Variants in PRUNE2 observed in about 807,000 individuals in gnomAD.
PRUNE2 encodes protein prune homolog 2.
In PRUNE2, 164 loss-of-function variants were observed where a neutral mutation model predicts 252.0. The observed-to-expected ratio is 0.65, with a 90% CI of 0.57 to 0.74. The LOEUF (loss-of-function observed/expected upper bound fraction) is 0.74. Among genes scored for constraint, PRUNE2 ranks in the 30% least tolerant of loss-of-function variants. PRUNE2 has a pLI of 0.00. For synonymous variants in PRUNE2, 1,292 were observed against 1,350.2 expected, an observed-to-expected ratio of 0.96 and a Z score of 0.94; for missense variants, 3,495 against 3,711.0, an observed-to-expected ratio of 0.94 and a Z score of 1.51.
At chr9:76,858,679 G>T (rs1013262154) in intron 1 of PRUNE2, among the ~76,000 whole-genome samples, 2 of 150,528 alleles carry the variant, frequency 1.3e-5, no homozygotes, top group Non-Finnish European at 2.9e-5. Flanking sequence ...GATGGATGCA[G>T]CAAACCACCA....
intron 6 of PRUNE2, among the ~76,000 whole-genome samples, chr9:76,776,494 ATTTTCTTTTTTTTTTTCTT>A (rs1352546850): frequency 3.9e-5 from 5 of 129,588 alleles, no homozygotes; most frequent in African/African-American, 5.7e-5. Context: ...TTTACACCAC[ATTTTCTTTTTTTTTTTCTT>A]TTTTCTTTTT....
chr9:76,737,971 ACTT>A (rs1455747771), intron 6 of PRUNE2: 3 of 152,322 alleles, frequency 2.0e-5, no homozygotes, highest in East Asian at 1.9e-4. Context: ...AGAGCCTAAG[ACTT>A]CTTCTTTTAA....
intron 9 of PRUNE2, among the ~76,000 whole-genome samples, chr9:76,702,506 C>G (rs2045962631): frequency 6.6e-6 from 1 of 152,298 alleles, no homozygotes; most frequent in South Asian, 2.1e-4. Context: ...ACAGTTTCAG[C>G]AGAGACTGGA....
chr9:76,673,977 A>C (rs371467208), intron 9 of PRUNE2, among the ~76,000 whole-genome samples: 14 of 152,292 alleles, frequency 9.2e-5, no homozygotes, highest in East Asian at 3.9e-4. Context: ...TGGAAGCATT[A>C]CCTTTGAAAA....
At chr9:76,824,599 A>G (rs571380417) in intron 5 of PRUNE2, among the ~76,000 whole-genome samples, 14 of 152,344 alleles carry the variant, frequency 9.2e-5, no homozygotes, top group African/African-American at 2.6e-4. Flanking sequence ...AATGAAATCT[A>G]TCACAGTAAA....
At position 76,727,649 on chromosome 9, in the gene PRUNE2, T is replaced by C. The variant is rs868244739; in HGVS notation, c.757-13928A>G. ...TGTTTCTTTCTTCTTCTTCTTCTTT[T>C]TTTTTTTTTTTGTCAAGCAAAGTTG... On this transcript the variant is annotated intron_variant, in intron 6 of 18. Coordinates refer to ENST00000376718, the MANE Select transcript of PRUNE2 (RefSeq NM_015225.3). Among the ~76,000 whole-genome samples the C allele has an allele frequency of 5.3e-3, 798 of 150,324 alleles. 8 individuals carry two copies. Among genetic ancestry groups the C allele is most frequent in the African/African-American group, 0.019 (760 of 40,918 alleles).
intron 6 of PRUNE2, among the ~76,000 whole-genome samples, chr9:76,811,197 G>T (rs1371499695): frequency 6.6e-6 from 1 of 152,172 alleles, no homozygotes; most frequent in Non-Finnish European, 1.5e-5. Context: ...CTTTAAAAAT[G>T]TATTTACAGA....
chr9:76,726,650 T>C (rs1164875210), intron 6 of PRUNE2, among the ~76,000 whole-genome samples: 1 of 152,246 alleles, frequency 6.6e-6, no homozygotes, highest in African/African-American at 2.4e-5. Context: ...TTATGCTGAA[T>C]CAATTGAAAA....
chr9:76,768,903 C>T (rs115798470), intron 6 of PRUNE2, among the ~76,000 whole-genome samples: 3,501 of 152,188 alleles, frequency 0.023, 61 homozygotes, highest in Middle Eastern at 0.027. Flanking sequence ...AAACGCTGTA[C>T]TTTATAAAAA....
At chr9:76,686,319 A>G (rs986410520) in intron 9 of PRUNE2, among the ~76,000 whole-genome samples, 10 of 152,222 alleles carry the variant, frequency 6.6e-5, no homozygotes, top group Non-Finnish European at 1.5e-5. Flanking sequence ...AGTACTGGAA[A>G]ATAAACATAA....
At position 76,707,787 on chromosome 9, in the gene PRUNE2, A is replaced by G; in HGVS notation, c.4487T>C (p.Ile1496Thr). ...GCTGCTGACATGCACATCACTGTCT[A>G]TAGGGACGTCCCCAAAATCAAGACT... ...PRSLDFGDVP[I>T]DSDVHVSSTC... Residue 1496 changes from isoleucine to threonine, a missense_variant, in exon 8 of 19, where the codon ATA becomes ACA. Coordinates refer to ENST00000376718, the MANE Select transcript of PRUNE2 (RefSeq NM_015225.3). 1.9e-6 allele frequency: 3 copies of G among 1,613,442 alleles called. No homozygotes were observed. Among genetic ancestry groups the G allele is most frequent in the Non-Finnish European group, 2.5e-6 (3 of 1,179,622 alleles).
chr9:76,641,216 A>G (rs908779334), intron 12 of PRUNE2, among the ~76,000 whole-genome samples: 1 of 152,220 alleles, frequency 6.6e-6, no homozygotes, highest in African/African-American at 2.4e-5. Context: ...ATGAAAATGA[A>G]AATTTATAAA....
intron 9 of PRUNE2, among the ~76,000 whole-genome samples, chr9:76,694,199 G>C (rs964784093): frequency 3.3e-5 from 5 of 151,814 alleles, no homozygotes; most frequent in Admixed American, 1.3e-4. Context: ...TTGAGACGGA[G>C]CCTAGCTCTG....
rs189483647 is a variant in PRUNE2, at chr9:76,635,042, G to A, written c.9050+1429C>T. ...GGCTGGAGTGCAGTGGTGTGATCTT[G>A]CCTCACTGCAACCTCCTCCCAGGTT... On this transcript the variant is annotated intron_variant, in intron 15 of 18. Coordinates refer to ENST00000376718, the MANE Select transcript of PRUNE2 (RefSeq NM_015225.3). 5.9e-5 allele frequency among the ~76,000 whole-genome samples: 9 copies of A among 152,164 alleles called. No homozygotes were observed. In the East Asian group the frequency reaches 7.7e-4, roughly 13 times the overall value.
intron 6 of PRUNE2, among the ~76,000 whole-genome samples, chr9:76,717,426 A>T (rs1333865386): frequency 1.3e-5 from 2 of 152,146 alleles, no homozygotes; most frequent in African/African-American, 4.8e-5. Flanking sequence ...CTGGCCCTGA[A>T]TAAACAGCAC....
intron 1 of PRUNE2, among the ~76,000 whole-genome samples, chr9:76,872,282 C>T (rs2061251480): frequency 6.6e-6 from 1 of 152,196 alleles, no homozygotes; most frequent in Admixed American, 6.5e-5. Flanking sequence ...AGAAACGTCT[C>T]TTCTAAGAAG....
At chr9:76,700,066 T>G (rs946872750) in intron 9 of PRUNE2, 1 of 152,204 alleles carries the variant, frequency 6.6e-6, no homozygotes, top group African/African-American at 2.4e-5. Flanking sequence ...GCTGCAAATC[T>G]CAAGGGAGAG....
At chr9:76,823,532 G>A (rs187638254) in intron 6 of PRUNE2, 100 bp downstream of exon 6, 6 of 714,826 alleles carry the variant, frequency 8.4e-6, no homozygotes, top group African/African-American at 5.3e-5. Flanking sequence ...AGAAGCAAAG[G>A]ACTATCATGG....
intron 6 of PRUNE2, among the ~76,000 whole-genome samples, chr9:76,750,778 T>G (rs1236505814): frequency 6.6e-6 from 1 of 152,166 alleles, no homozygotes; most frequent in Non-Finnish European, 1.5e-5. Flanking sequence ...GGCGCTTGTA[T>G]GAAAACCAAG....
Sources: gnomAD v4.1 joint callset for allele counts (sites outside exome capture counted in the v4.1 genomes callset) on GRCh38, gnomAD v4.1.1 for gene constraint, MANE v1.5 for transcripts, NCBI Gene and HGNC (gene_info 2026-07-23, HGNC 2026-07-21) for gene names.